Variants in MCTP1 observed in about 807,000 individuals in gnomAD.
MCTP1 encodes multiple C2 and transmembrane domain containing 1.
In MCTP1, 69 loss-of-function variants were observed where a neutral mutation model predicts 120.6. The ratio of observed to expected loss-of-function variants is 0.57; its 90% CI spans 0.47 to 0.70. MCTP1 has a LOEUF of 0.70. MCTP1 is among the 30% of genes least tolerant of loss of function. The pLI is 0.00. For missense variants in MCTP1, 1,203 were observed against 1,248.8 expected, an observed-to-expected ratio of 0.96 and a Z score of 0.55; for synonymous variants, 529 against 493.1, an observed-to-expected ratio of 1.07 and a Z score of -0.96.
intron 2 of MCTP1, among the ~76,000 whole-genome samples, chr5:94,970,773 A>G (rs981054550): frequency 6.6e-6 from 1 of 152,112 alleles, no homozygotes; most frequent in African/African-American, 2.4e-5. Context: ...ACGTTTTTTA[A>G]AAGAACTTTA....
chr5:94,870,875 A>G lies in MCTP1; in HGVS notation c.2238T>C (p.Asn746=). 1 of 1,608,300 alleles carries G rather than the reference A, an allele frequency of 6.2e-7. No homozygotes were observed. Among genetic ancestry groups the G allele is most frequent in the Non-Finnish European group, 8.5e-7 (1 of 1,174,940 alleles). The part of the protein sequence containing the change: ...VIYLEIDVIF[N]AVKASLRTLI... ...AAAAGCCAAAGTTAAGACTTACAGCATTAAAAATCACATCTATTTCAAGAT... is the reference window on the plus strand; with the variant it reads ...AAAAGCCAAAGTTAAGACTTACAGCGTTAAAAATCACATCTATTTCAAGAT... The change falls in exon 15 of 23, where the codon AAT becomes AAC. Residue 746 remains asparagine (N), a synonymous_variant. Transcript: ENST00000515393.
chr5:94,886,701 C>G (rs1801419694), intron 12 of MCTP1, among the ~76,000 whole-genome samples: 1 of 152,120 alleles, frequency 6.6e-6, no homozygotes, highest in African/African-American at 2.4e-5. Flanking sequence ...AGTCAATTGC[C>G]TCTTTTCAAA....
chr5:95,064,162 A>G (rs1437992026), intron 1 of MCTP1, among the ~76,000 whole-genome samples: 1 of 152,266 alleles, frequency 6.6e-6, no homozygotes, highest in Admixed American at 6.5e-5. Flanking sequence ...GGGTTGACAG[A>G]CAATCCATTA....
intron 1 of MCTP1, among the ~76,000 whole-genome samples, chr5:95,061,231 A>T: frequency 6.6e-6 from 1 of 151,702 alleles, no homozygotes. Context: ...AAATAAACAC[A>T]CAGAGGGAAT....
chr5:95,007,104 G>C (rs1235235382), intron 2 of MCTP1, among the ~76,000 whole-genome samples: 1 of 152,162 alleles, frequency 6.6e-6, no homozygotes, highest in Admixed American at 6.5e-5. Context: ...CATGGTGGCA[G>C]GAAGAGGAGA....
intron 18 of MCTP1, among the ~76,000 whole-genome samples, chr5:94,790,237 G>A (rs1249251046): frequency 6.6e-6 from 1 of 152,188 alleles, no homozygotes; most frequent in Non-Finnish European, 1.5e-5. Flanking sequence ...TGAACCCAAA[G>A]TGCATAAAAC....
chr5:94,756,577 T>C (rs560086063), intron 19 of MCTP1, among the ~76,000 whole-genome samples: 5 of 152,170 alleles, frequency 3.3e-5, no homozygotes, highest in Non-Finnish European at 5.9e-5. Flanking sequence ...CGAAACTCCC[T>C]TTTTCTACCA....
chr5:95,236,084 C>T lies in MCTP1; in HGVS notation c.720+47772G>A, dbSNP rs560618420. Among the ~76,000 whole-genome samples the T allele has an allele frequency of 4.6e-5, 7 of 152,276 alleles. No individual in the cohort carries two copies. In the South Asian group the frequency reaches 1.5e-3, roughly 32 times the overall value. ...TTTAAGACTAACTCAACTGGAAGAA[C>T]ACGGTCACAAAAATGGAACAGATTG... On this transcript the variant is annotated intron_variant, in intron 1 of 22. Coordinates refer to ENST00000515393, the MANE Select transcript of MCTP1 (RefSeq NM_024717.7).
At chr5:94,951,680 C>T (rs112064814) in intron 3 of MCTP1, among the ~76,000 whole-genome samples, 373 of 152,136 alleles carry the variant, frequency 2.5e-3, no homozygotes, top group African/African-American at 8.7e-3. Context: ...TTTTTCATTG[C>T]CTATCTCAGC....
At chr5:95,166,373 A>G (rs1746354335) in intron 1 of MCTP1, among the ~76,000 whole-genome samples, 2 of 152,176 alleles carry the variant, frequency 1.3e-5, no homozygotes, top group South Asian at 4.1e-4. Context: ...CAATGTCATA[A>G]AAATGCAGGT....
intron 1 of MCTP1, among the ~76,000 whole-genome samples, chr5:95,224,844 T>A (rs1754084009): frequency 6.6e-6 from 1 of 152,166 alleles, no homozygotes; most frequent in Non-Finnish European, 1.5e-5. Flanking sequence ...AATCATTTGT[T>A]TTCTTCCTGA....
chr5:94,928,744 G>A (rs1330850816), intron 6 of MCTP1, among the ~76,000 whole-genome samples: 1 of 152,012 alleles, frequency 6.6e-6, no homozygotes, highest in Non-Finnish European at 1.5e-5. Flanking sequence ...CAAATATAAT[G>A]CATATTTTAT....
At chr5:95,123,908 C>G (rs1039700709) in intron 1 of MCTP1, among the ~76,000 whole-genome samples, 2 of 152,126 alleles carry the variant, frequency 1.3e-5, no homozygotes, top group Non-Finnish European at 2.9e-5. Context: ...CTCGGCCTCT[C>G]AAAGTGCTAG....
intron 18 of MCTP1, among the ~76,000 whole-genome samples, chr5:94,798,434 G>A (rs1425258244): frequency 6.6e-6 from 1 of 152,138 alleles, no homozygotes; most frequent in East Asian, 1.9e-4. Flanking sequence ...GGTAGATTTA[G>A]TATAACTTTC....
At chr5:94,823,588 A>G (rs1026784947) in intron 17 of MCTP1, among the ~76,000 whole-genome samples, 3 of 152,164 alleles carry the variant, frequency 2.0e-5, no homozygotes. Flanking sequence ...AAGAAAGTCA[A>G]TGGTAGCTTG....
intron 19 of MCTP1, among the ~76,000 whole-genome samples, chr5:94,775,872 C>T (rs1281356269): frequency 6.7e-6 from 1 of 150,220 alleles, no homozygotes; most frequent in Non-Finnish European, 1.5e-5. Flanking sequence ...ATCACAAACC[C>T]TCACCTGAAT....
chr5:94,945,839 G>C (rs555673127), intron 3 of MCTP1, among the ~76,000 whole-genome samples: 1 of 152,222 alleles, frequency 6.6e-6, no homozygotes, highest in African/African-American at 2.4e-5. Flanking sequence ...TCCATGATGA[G>C]GAAAGTGTCT....
At chr5:95,046,014 T>C (rs1843074279) in intron 1 of MCTP1, among the ~76,000 whole-genome samples, 8 of 152,144 alleles carry the variant, frequency 5.3e-5, no homozygotes, top group Admixed American at 5.2e-4. Context: ...GAGTTCATAA[T>C]TGAAAGTGCT....
At chr5:95,282,953 G>T (rs114918664) in intron 1 of MCTP1, among the ~76,000 whole-genome samples, 2,824 of 152,340 alleles carry the variant, frequency 0.019, 51 homozygotes, top group African/African-American at 0.045. Context: ...ATGAGAAAGT[G>T]TAAGTAAACT....
Sources: allele counts gnomAD v4.1 joint callset (sites outside exome capture counted in the v4.1 genomes callset), GRCh38; gene constraint gnomAD v4.1.1; transcripts MANE v1.5; gene names NCBI Gene and HGNC (gene_info 2026-07-23, HGNC 2026-07-21).